BRWD1: variants seen among roughly 807,000 people sequenced by gnomAD.
BRWD1 encodes bromodomain and WD repeat-containing protein 1.
In BRWD1, 82 loss-of-function variants were observed where a neutral mutation model predicts 251.2. That is an observed-to-expected ratio of 0.33 (90% CI 0.27 to 0.39). The LOEUF is 0.39. Among genes scored for constraint, BRWD1 ranks in the 10% least tolerant of loss-of-function variants. The pLI, the probability that BRWD1 is intolerant of heterozygous loss-of-function variation, is 1.00. For missense variants in BRWD1, 2,233 were observed against 2,711.6 expected, an observed-to-expected ratio of 0.82 and a Z score of 3.92; for synonymous variants, 918 against 902.8, an observed-to-expected ratio of 1.02 and a Z score of -0.30.
At chr21:39,271,169 G>C (rs1285442776) in intron 13 of BRWD1, among the ~76,000 whole-genome samples, 3 of 152,084 alleles carry the variant, frequency 2.0e-5, no homozygotes, top group Admixed American at 2.0e-4. Flanking sequence ...GCACACACCT[G>C]TATTCCCAGC....
chr21:39,202,428 A>G lies in BRWD1; in HGVS notation c.4482T>C (p.Ala1494=). The change falls in exon 38 of 41, where the codon GCT becomes GCC. Residue 1494 remains alanine (A), a synonymous_variant. Coordinates refer to ENST00000342449, the MANE Select transcript of BRWD1 (RefSeq NM_033656.4). ...TAYLGTHKTS[A]GISSGVTSGD... is the part of the protein sequence containing the mutation. ...CAGAAGTAACACCTGAAGAGATACC[A>G]GCACTTGTCTTGTGGGTTCCAAGAT... The G allele has an allele frequency of 6.2e-7, 1 of 1,614,130 alleles. No individual in the cohort carries two copies. Among genetic ancestry groups the G allele is most frequent in the Middle Eastern group, 1.7e-4 (1 of 6,060 alleles).
Position 39,258,650 on chromosome 21 carries a change from T to C in BRWD1, c.1908A>G (p.Gln636=). The C allele has an allele frequency of 6.2e-7, 1 of 1,604,090 alleles. No homozygotes were observed. The highest frequency in any genetic ancestry group is 8.5e-7 in the Non-Finnish European group (1 of 1,175,094). ...VATSDGEVIE[Q]IISLQTNDND... is the part of the protein sequence containing the mutation. ...TATCATTGGTTTGCAGGCTTATAAT[T>C]TGTTCAATCACCTCTCCATCACCTA... Residue 636 remains glutamine, a synonymous_variant, in exon 18 of 41, where the codon CAA becomes CAG. Coordinates refer to ENST00000342449, the MANE Select transcript of BRWD1 (RefSeq NM_033656.4).
Position 39,225,214 on chromosome 21 carries a change from C to A in BRWD1, c.3209-17G>T. On this transcript the variant is annotated splice_polypyrimidine_tract_variant and intron_variant, in intron 27 of 40. Coordinates refer to ENST00000342449, the MANE Select transcript of BRWD1 (RefSeq NM_033656.4). ...ATCTGTCACCTAGGAGAGAAATGAT[C>A]AAGTCTGAGGCATTTCTCTGCTAAC... The A allele has an allele frequency of 3.3e-6, 5 of 1,516,774 alleles. No individual in the cohort carries two copies. In the South Asian group the frequency reaches 5.6e-5, roughly 17 times the overall value. The allele number at this position is 1,516,774 out of a possible 1,614,324, so 94.0% of individuals were successfully genotyped here.
chr21:39,306,359 G>C (rs538059181), intron 4 of BRWD1, among the ~76,000 whole-genome samples: 2 of 152,192 alleles, frequency 1.3e-5, no homozygotes, highest in Admixed American at 6.5e-5. Context: ...GTGAGCCACC[G>C]CACCTGGCCT....
At chr21:39,318,324 A>C (rs139970428), upstream of BRWD1, among the ~76,000 whole-genome samples, 200 of 152,328 alleles carry the variant, frequency 1.3e-3, no homozygotes, top group African/African-American at 4.7e-3. Context: ...AAAATGAGAT[A>C]AGGAAATCTG....
At chr21:39,257,654 C>T (rs2034603243) in intron 18 of BRWD1, among the ~76,000 whole-genome samples, 1 of 151,902 alleles carries the variant, frequency 6.6e-6, no homozygotes, top group Non-Finnish European at 1.5e-5. Flanking sequence ...CAACAATTAT[C>T]ATATTCAGCT....
chr21:39,216,222 C>CT (rs1273569225), intron 31 of BRWD1, among the ~76,000 whole-genome samples: 2 of 152,136 alleles, frequency 1.3e-5, no homozygotes, highest in African/African-American at 4.8e-5. Context: ...AAATTTTATA[C>CT]TTACCAGTGC....
intron 8 of BRWD1, among the ~76,000 whole-genome samples, chr21:39,287,792 C>T (rs1420866825): frequency 6.6e-6 from 1 of 152,044 alleles, no homozygotes; most frequent in African/African-American, 2.4e-5. Context: ...TGTTCTTCTC[C>T]TAACTTCTTG....
chr21:39,196,920 G>GT lies in BRWD1; in HGVS notation c.6148dup (p.Thr2050AsnfsTer15), dbSNP rs1362951353. The GT allele has an allele frequency of 6.2e-7, 1 of 1,613,776 alleles. No individual in the cohort carries two copies. Among genetic ancestry groups the GT allele is most frequent in the African/African-American group, 1.3e-5 (1 of 74,916 alleles). On this transcript the variant is annotated frameshift_variant, in exon 41 of 41. Coordinates refer to ENST00000342449, the MANE Select transcript of BRWD1 (RefSeq NM_033656.4). LOFTEE classifies it low-confidence loss of function (END_TRUNC). ...ACTTTTTGAATCTTCTCCTGAAGAT[G>GT]TAACAGAGGAACTTTTTCTTTTAGA...
In BRWD1 at chr21:39,196,173, G is replaced by T; in HGVS notation, c.*86C>A. On this transcript the variant is annotated 3_prime_UTR_variant, in exon 41 of 41. Coordinates refer to ENST00000342449, the MANE Select transcript of BRWD1 (RefSeq NM_033656.4). ...AAAATATAAATATATTCCCTGAATT[G>T]TAAGACAAAAAAATAATTTTAACAG... 6.7e-7 allele frequency: 1 copy of T among 1,483,134 alleles called. No homozygotes were observed. The highest frequency in any genetic ancestry group is 8.9e-7 in the Non-Finnish European group (1 of 1,122,692). 91.9% of individuals were successfully genotyped at this position (1,483,134 alleles called of 1,614,324 possible).
intron 37 of BRWD1, among the ~76,000 whole-genome samples, chr21:39,205,265 A>G (rs550594014): frequency 3.9e-5 from 6 of 152,110 alleles, no homozygotes; most frequent in South Asian, 2.1e-4. Context: ...TGATCCCAGG[A>G]GTTCAAGACC....
At chr21:39,236,241 A>C (rs73357885) in intron 23 of BRWD1, among the ~76,000 whole-genome samples, 2 of 151,926 alleles carry the variant, frequency 1.3e-5, no homozygotes, top group Non-Finnish European at 2.9e-5. Context: ...GGCCTCCCCC[A>C]TAAGTCCCAC....
Position 39,199,067 on chromosome 21 carries a change from C to G in BRWD1, c.5349G>C (p.Lys1783Asn), listed in dbSNP as rs1269815178. Residue 1783 changes from lysine to asparagine, a missense_variant, in exon 40 of 41, where the codon AAG becomes AAC. Transcript: ENST00000342449. ...CTGCTTCCTCTGAGATGCTCTCTGC[C>G]TTAAGTTTCTGCACAGACGTTGATG... Reference protein sequence around the residue: ...AGPSTSVQKLKAESISEEADS... With the variant: ...AGPSTSVQKLNAESISEEADS... The G allele has an allele frequency of 6.2e-7, 1 of 1,614,118 alleles. No individual in the cohort carries two copies. Among genetic ancestry groups the G allele is most frequent in the East Asian group, 2.2e-5 (1 of 44,880 alleles).
chr21:39,316,862 G>GGT (rs1555881545), upstream of BRWD1, among the ~76,000 whole-genome samples: 1 of 74,376 alleles, frequency 1.3e-5, no homozygotes, highest in African/African-American at 4.9e-5. Flanking sequence ...GGCTAGAGCC[G>GGT]GGGGGGATTG....
intron 8 of BRWD1, among the ~76,000 whole-genome samples, chr21:39,286,967 C>T (rs2035661765): frequency 6.6e-6 from 1 of 152,146 alleles, no homozygotes; most frequent in Admixed American, 6.6e-5. Context: ...TCAAGATTCA[C>T]CAATGGTTAA....
intron 29 of BRWD1, among the ~76,000 whole-genome samples, chr21:39,222,078 T>A (rs569277695): frequency 6.6e-6 from 1 of 151,870 alleles, no homozygotes; most frequent in South Asian, 2.1e-4. Context: ...TGTGAAAAAA[T>A]TGGAACCCAC....
chr21:39,312,799 G>C, intron 4 of BRWD1, 42 bp downstream of exon 4: 1 of 1,527,358 alleles, frequency 6.5e-7, no homozygotes, highest in Non-Finnish European at 8.9e-7. Context: ...GGCGGGGGGC[G>C]GTGCACGGAA....
Position 39,232,381 on chromosome 21 carries a change from C to T in BRWD1, c.2884G>A (p.Gly962Ser), listed in dbSNP as rs1458993021. The T allele has an allele frequency of 1.3e-6, 2 of 1,591,870 alleles. No homozygotes were observed. The highest frequency in any genetic ancestry group is 2.3e-5 in the South Asian group (2 of 86,176). The change falls in exon 24 of 41, where the codon GGT becomes AGT. Residue 962 changes from glycine to serine, a missense_variant. This residue lies in a region of BRWD1 where 139 missense variants were observed against 272.8 expected (regional missense o/e 0.51). Transcript: ENST00000342449. ...ATTTGTATTACTCTCACCTCATCAC[C>T]CATTTGAGGAACAAAAGGAGATTTT... Reference protein sequence around the residue: ...LRKSPFVPQMGDEVIYFRQGH... With the variant: ...LRKSPFVPQMSDEVIYFRQGH...
At position 39,188,429 on chromosome 21, in the gene BRWD1, T is replaced by C. The variant is rs1332477931; in HGVS notation, c.*7830A>G. On this transcript the variant is annotated 3_prime_UTR_variant, in exon 41 of 41. Coordinates refer to ENST00000342449, the MANE Select transcript of BRWD1 (RefSeq NM_033656.4). ...CATCTGGAGGACTCCACCACATTCT[T>C]TTTACTACTAAGTACTAGAAAATGA... The C allele has an allele frequency of 1.0e-6, 1 of 985,256 alleles. No homozygotes were observed. The highest frequency in any genetic ancestry group is 6.2e-5 in the Admixed American group (1 of 16,258). The allele number at this position is 985,256 out of a possible 1,614,324, so 61.0% of individuals were successfully genotyped here. A position where few individuals can be genotyped will look rare whatever the true frequency, so the allele number is the denominator to read the frequency against.
Sources: allele counts gnomAD v4.1 joint callset (sites outside exome capture counted in the v4.1 genomes callset), GRCh38; gene constraint gnomAD v4.1.1; regional missense constraint gnomAD v4.1.1; transcripts MANE v1.5; gene names NCBI Gene and HGNC (gene_info 2026-07-23, HGNC 2026-07-21).